Variants in LMNTD1 observed in about 807,000 individuals in gnomAD.
LMNTD1 encodes lamin tail domain-containing protein 1.
LMNTD1 carries 35 observed loss-of-function variants against 50.9 expected under a neutral mutation model. The observed-to-expected ratio is 0.69, with a 90% CI of 0.53 to 0.91. LMNTD1 has a LOEUF of 0.91. Ranked by LOEUF, LMNTD1 falls within the 40% of genes least tolerant of loss-of-function variation. LMNTD1 has a pLI of 0.00. For synonymous variants in LMNTD1, 153 were observed against 161.9 expected, an observed-to-expected ratio of 0.94 and a Z score of 0.42; for missense variants, 470 against 475.5, an observed-to-expected ratio of 0.99 and a Z score of 0.11.
chr12:25,613,304 G>A (rs539467614), intron 1 of LMNTD1, among the ~76,000 whole-genome samples: 7 of 152,202 alleles, frequency 4.6e-5, no homozygotes, highest in South Asian at 4.2e-4. Context: ...CTGACATGAC[G>A]GGTAGAAATG....
chr12:25,604,490 C>T (rs974184368), intron 1 of LMNTD1, among the ~76,000 whole-genome samples: 1 of 151,942 alleles, frequency 6.6e-6, no homozygotes, highest in Non-Finnish European at 1.5e-5. Flanking sequence ...TAATGCTATC[C>T]CTCCCCACTC....
At chr12:25,601,831 G>A (rs1409412269) in intron 1 of LMNTD1, among the ~76,000 whole-genome samples, 1 of 151,388 alleles carries the variant, frequency 6.6e-6, no homozygotes, top group African/African-American at 2.4e-5. Context: ...ACATATTTTG[G>A]GGGTACATTT....
chr12:25,499,483 A>G (rs1939257703), intron 9 of LMNTD1, among the ~76,000 whole-genome samples: 1 of 152,154 alleles, frequency 6.6e-6, no homozygotes, highest in Non-Finnish European at 1.5e-5. Flanking sequence ...TATGATGTTC[A>G]GGGCTCTTTT....
rs1370182046 is a variant in LMNTD1 at position 25,519,876 on chromosome 12, G to T, written c.998C>A (p.Ala333Asp). ...CCCTTACCTCTTAAGAAGAACTTGA[G>T]CTTGTTCCACCTGATAATTTGAGAT... Reference protein sequence around the residue: ...KDISNYQVEQAQVLLKREKEI... With the variant: ...KDISNYQVEQDQVLLKREKEI... Residue 333 changes from alanine (A) to aspartate (D), a missense_variant, in exon 7 of 10, where the codon GCT (alanine) becomes GAT (aspartate). Ala to Asp is a moderately radical substitution (Grantham distance 126). Coordinates refer to ENST00000458174, the MANE Select transcript of LMNTD1 (RefSeq NM_001145728.2). The T allele has an allele frequency of 2.5e-6, 4 of 1,610,204 alleles. No homozygotes were observed. Among genetic ancestry groups the T allele is most frequent in the African/African-American group, 2.7e-5 (2 of 74,738 alleles).
chr12:25,535,681 A>G (rs1942529805), intron 4 of LMNTD1, among the ~76,000 whole-genome samples: 2 of 152,090 alleles, frequency 1.3e-5, no homozygotes, highest in Admixed American at 6.5e-5. Context: ...AAAAACTGGG[A>G]CAAAGAAAAA....
intron 4 of LMNTD1, among the ~76,000 whole-genome samples, chr12:25,528,005 C>T (rs1941938616): frequency 6.6e-6 from 1 of 151,844 alleles, no homozygotes; most frequent in East Asian, 1.9e-4. Flanking sequence ...TAATCCCTGA[C>T]AGGGTGTTAT....
intron 9 of LMNTD1, among the ~76,000 whole-genome samples, chr12:25,484,737 G>A (rs1179553463): frequency 5.6e-5 from 8 of 142,868 alleles, no homozygotes; most frequent in African/African-American, 1.6e-4. Flanking sequence ...TCCCACCTAT[G>A]AGTGAGAATA....
intron 1 of LMNTD1, among the ~76,000 whole-genome samples, chr12:25,635,240 C>CA (rs35630911): frequency 0.8 from 91,552 of 113,790 alleles, 36,912 homozygotes; most frequent in East Asian, 0.89. Flanking sequence ...AACTCTGTCT[C>CA]AAAAAAAAAA....
At chr12:25,553,380 T>C (rs1317977150), upstream of LMNTD1, 13 of 584,746 alleles carry the variant, frequency 2.2e-5, no homozygotes, top group South Asian at 2.7e-4. Flanking sequence ...ATGTTGATGC[T>C]GTACCTTCTT....
intron 1 of LMNTD1, among the ~76,000 whole-genome samples, chr12:25,565,324 T>G (rs1944512021): frequency 6.6e-6 from 1 of 152,160 alleles, no homozygotes; most frequent in Non-Finnish European, 1.5e-5. Flanking sequence ...AGTTTCTTGC[T>G]TTTTATTTTT....
chr12:25,614,224 T>C (rs897311819), intron 1 of LMNTD1, among the ~76,000 whole-genome samples: 12 of 152,144 alleles, frequency 7.9e-5, no homozygotes, highest in Admixed American at 6.6e-4. Flanking sequence ...TACGCATTTT[T>C]CTAGTTCTCT....
chr12:25,509,861 G>C (rs1379959823), intron 8 of LMNTD1, among the ~76,000 whole-genome samples: 1 of 152,200 alleles, frequency 6.6e-6, no homozygotes, highest in Non-Finnish European at 1.5e-5. Context: ...TAGAAACTAA[G>C]AAGATGCAAG....
chr12:25,538,330 C>T (rs1398273658), intron 4 of LMNTD1, among the ~76,000 whole-genome samples: 190 of 150,708 alleles, frequency 1.3e-3, no homozygotes, highest in African/African-American at 4.4e-3. Flanking sequence ...AGAGAAAGGT[C>T]GGGTTACCCT....
At chr12:25,538,626 A>T (rs1385315264) in intron 4 of LMNTD1, among the ~76,000 whole-genome samples, 1 of 141,748 alleles carries the variant, frequency 7.1e-6, no homozygotes, top group Admixed American at 7.2e-5. Flanking sequence ...ATCATGCCAA[A>T]ATGTAAAGAC....
intron 1 of LMNTD1, among the ~76,000 whole-genome samples, chr12:25,630,077 G>A (rs1592121139): frequency 6.6e-6 from 1 of 152,258 alleles, no homozygotes; most frequent in East Asian, 1.9e-4. Flanking sequence ...CACTTTTGGG[G>A]GGAGGAGAAA....
intron 4 of LMNTD1, among the ~76,000 whole-genome samples, chr12:25,545,288 G>A (rs1231992949): frequency 6.6e-6 from 1 of 151,524 alleles, no homozygotes; most frequent in Admixed American, 6.6e-5. Flanking sequence ...ATTACCTCCT[G>A]ACCTACATGG....
intron 9 of LMNTD1, among the ~76,000 whole-genome samples, chr12:25,482,353 G>T (rs1057372605): frequency 1.3e-5 from 2 of 151,884 alleles, no homozygotes; most frequent in African/African-American, 4.9e-5. Flanking sequence ...TTTTTTTATA[G>T]TTGTCAGAGA....
At chr12:25,581,514 C>G (rs1415198776) in intron 1 of LMNTD1, among the ~76,000 whole-genome samples, 2 of 151,966 alleles carry the variant, frequency 1.3e-5, no homozygotes, top group South Asian at 2.1e-4. Flanking sequence ...AATAATGAAG[C>G]CATTATTTTT....
At chr12:25,571,596 C>T (rs1391505184) in intron 1 of LMNTD1, among the ~76,000 whole-genome samples, 1 of 152,018 alleles carries the variant, frequency 6.6e-6, no homozygotes, top group African/African-American at 2.4e-5. Context: ...ATCTCCTGAC[C>T]TCGTGATCCA....
Sources: gnomAD v4.1 joint callset for allele counts (sites outside exome capture counted in the v4.1 genomes callset) on GRCh38, gnomAD v4.1.1 for gene constraint, MANE v1.5 for transcripts, NCBI Gene and HGNC (gene_info 2026-07-23, HGNC 2026-07-21) for gene names.